Variants in CCDC88C observed in about 807,000 individuals in gnomAD.
CCDC88C encodes the protein coiled-coil and HOOK domain protein 88C.
Under a neutral mutation model 198.8 loss-of-function variants are expected in CCDC88C, and 131 were observed. The ratio of observed to expected loss-of-function variants is 0.66; its 90% CI spans 0.57 to 0.76. CCDC88C has a LOEUF of 0.76. CCDC88C is among the 30% of genes least tolerant of loss of function. The pLI, the probability that CCDC88C is intolerant of heterozygous loss-of-function variation, is 0.00. For synonymous variants in CCDC88C, 1,166 were observed against 1,114.7 expected, an observed-to-expected ratio of 1.05 and a Z score of -0.92; for missense variants, 2,553 against 2,631.6, an observed-to-expected ratio of 0.97 and a Z score of 0.65.
chr14:91,312,827 A>G (rs1238858835), intron 15 of CCDC88C, among the ~76,000 whole-genome samples: 1 of 152,288 alleles, frequency 6.6e-6, no homozygotes, highest in Admixed American at 6.5e-5. Context: ...TATGACATCA[A>G]GCATGTGTCT....
At position 91,272,696 on chromosome 14, in the gene CCDC88C, T is replaced by C; in HGVS notation, c.6016A>G (p.Lys2006Glu). The C allele has an allele frequency of 6.2e-7, 1 of 1,611,606 alleles. No individual in the cohort carries two copies. Among genetic ancestry groups the C allele is most frequent in the Non-Finnish European group, 8.5e-7 (1 of 1,179,810 alleles). The change falls in exon 30 of 30, where the codon AAG becomes GAG. Residue 2006 changes from lysine to glutamate, a missense_variant. Physicochemically the swap from Lys to Glu is moderately conservative, Grantham distance 56. Transcript: ENST00000389857. ...GGCTCCGGGGAGGCCGGACTGCTCT[T>C]TGAGACGCTCCCTCGACTGCAGTCC... ...LEDCSRGSVS[K>E]SSPASPEPGG...
Position 91,272,620 on chromosome 14 carries a change from GAC to G in CCDC88C, c.*3_*4del. 1 of 1,599,078 alleles carries G rather than the reference GAC, an allele frequency of 6.3e-7. No homozygotes were observed. The highest frequency in any genetic ancestry group is 8.5e-7 in the Non-Finnish European group (1 of 1,173,176). ...TTCAGGTTTGCGAGCTCAACCACGA[GAC>G]AGTCACACACAGCCGTACTCATACC... On this transcript the variant is annotated 3_prime_UTR_variant, in exon 30 of 30. Coordinates refer to ENST00000389857, the MANE Select transcript of CCDC88C (RefSeq NM_001080414.4).
chr14:91,285,365 A>T, intron 25 of CCDC88C: 1 of 449,494 alleles, frequency 2.2e-6, no homozygotes, highest in South Asian at 1.6e-5. Context: ...GGTGCAAGAG[A>T]CGGGAGGGGG....
Position 91,272,993 on chromosome 14 carries a change from C to A in CCDC88C, c.5719G>T (p.Ala1907Ser). 6.4e-7 allele frequency: 1 copy of A among 1,553,078 alleles called. No homozygotes were observed. Among genetic ancestry groups the A allele is most frequent in the Non-Finnish European group, 8.7e-7 (1 of 1,154,444 alleles). ...GCACCAGCACCTGCAGTGGCAATGG[C>A]GGGGGCTGTGGCAGACTGATGCAGG... ...APLHQSATAP[A>S]IATAGAGAAA... The change falls in exon 30 of 30, where the codon GCC becomes TCC. Residue 1907 changes from alanine to serine, a missense_variant. By Grantham distance (99) the Ala-to-Ser change is moderately conservative. Coordinates refer to ENST00000389857, the MANE Select transcript of CCDC88C (RefSeq NM_001080414.4).
At chr14:91,359,832 G>A (rs1342348999) in intron 3 of CCDC88C, 121 bp from the exon 4 acceptor site, 21 of 834,254 alleles carry the variant, frequency 2.5e-5, no homozygotes, top group East Asian at 1.1e-4. Flanking sequence ...TGGTGACTAC[G>A]AAGGAGCTAA....
intron 3 of CCDC88C, among the ~76,000 whole-genome samples, chr14:91,397,956 C>T (rs1013840482): frequency 6.6e-6 from 1 of 152,224 alleles, no homozygotes; most frequent in African/African-American, 2.4e-5. Flanking sequence ...TGCAGCTTTC[C>T]GGGGCTGTTT....
In CCDC88C at chr14:91,401,190, C is replaced by T. The variant is rs1246829844; in HGVS notation, c.270+7469G>A. 3.1e-5 allele frequency among the ~76,000 whole-genome samples: 4 copies of T among 129,674 alleles called. No homozygotes were observed. In the East Asian group the frequency reaches 8.5e-4, roughly 27 times the overall value. The allele number at this position is 129,674 out of a possible 152,430, so 85.1% of individuals were successfully genotyped here. The stretch of plus-strand genomic sequence containing the variant: ...CCTAGGTGTTGAGATAACAGGTGAA[C>T]TTAAGTTTCTTTCTACTTCCTAATC... On this transcript the variant is annotated intron_variant, in intron 3 of 29. Coordinates refer to ENST00000389857, the MANE Select transcript of CCDC88C (RefSeq NM_001080414.4).
At position 91,297,431 on chromosome 14, in the gene CCDC88C, C is replaced by T; in HGVS notation, c.3840G>A (p.Lys1280=). Residue 1280 remains lysine (K), a synonymous_variant, in exon 22 of 30, where the codon AAG becomes AAA. Coordinates refer to ENST00000389857, the MANE Select transcript of CCDC88C (RefSeq NM_001080414.4). ...GEYEELHAHT[K]ELKTSLNNAQ... ...CGTTGTTCAGTGAGGTTTTCAGCTC[C>T]TTGGTGTGGGCGTGCAGCTCCTCGT... 1 of 1,603,860 alleles carries T rather than the reference C, an allele frequency of 6.2e-7. No homozygotes were observed. Among genetic ancestry groups the T allele is most frequent in the Non-Finnish European group, 8.5e-7 (1 of 1,175,222 alleles).
Position 91,340,770 on chromosome 14 carries a change from A to T in CCDC88C, c.484-746T>A, listed in dbSNP as rs551553291. On this transcript the variant is annotated intron_variant, in intron 6 of 29. Coordinates refer to ENST00000389857, the MANE Select transcript of CCDC88C (RefSeq NM_001080414.4). ...CTGAAACACACCCAAAGAAGTCTTT[A>T]TTCAATCAACAGAGATAGAGAAAAC... 1.2e-3 allele frequency among the ~76,000 whole-genome samples: 177 copies of T among 152,342 alleles called. 1 individual carries two copies. Among genetic ancestry groups the T allele is most frequent in the African/African-American group, 4.2e-3 (173 of 41,582 alleles).
rs1026948882 is a variant in CCDC88C, at chr14:91,339,963, G to A, written c.545C>T (p.Pro182Leu). The change falls in exon 7 of 30, where the codon CCG becomes CTG. Residue 182 changes from proline (P) to leucine (L), a missense_variant. Physicochemically the swap from Pro to Leu is moderately conservative, Grantham distance 98. Transcript: ENST00000389857. The surrounding 1 kb of genome is among the most constrained non-coding windows in gnomAD (Gnocchi z 5.8). The part of the protein sequence containing the change: ...LQWLELPDVA[P>L]EELEALSRSM... ...CCTCGACAGGGCCTCCAGCTCCTCCGGAGCCACGTCGGGCAGCTCCAGCCA... is the reference window on the plus strand; with the variant it reads ...CCTCGACAGGGCCTCCAGCTCCTCCAGAGCCACGTCGGGCAGCTCCAGCCA... 1.2e-6 allele frequency: 2 copies of A among 1,602,590 alleles called. No homozygotes were observed. The highest frequency in any genetic ancestry group is 1.7e-6 in the Non-Finnish European group (2 of 1,175,778).
intron 3 of CCDC88C, among the ~76,000 whole-genome samples, chr14:91,393,581 TC>T (rs1367685131): frequency 6.6e-6 from 1 of 152,196 alleles, no homozygotes; most frequent in Admixed American, 6.5e-5. Context: ...CACCAACGCT[TC>T]CTTCTTCTGG....
intron 4 of CCDC88C, among the ~76,000 whole-genome samples, chr14:91,345,190 A>ATATATATATATTTTTTTTTTTT (rs1246878587): frequency 1.9e-5 from 1 of 52,204 alleles, no homozygotes; most frequent in African/African-American, 7.9e-5. Context: ...ATATATATAT[A>ATATATATATATTTTTTTTTTTT]TTTTTTTTTT....
At chr14:91,317,994 G>C (rs1892181002) in intron 13 of CCDC88C, among the ~76,000 whole-genome samples, 2 of 152,232 alleles carry the variant, frequency 1.3e-5, no homozygotes, top group African/African-American at 4.8e-5. Context: ...CAGGCTTTCT[G>C]GGGCAGCGTC....
In CCDC88C at chr14:91,339,511, A is replaced by G. The variant is rs1893215127; in HGVS notation, c.625-49T>C. The stretch of plus-strand genomic sequence containing the variant: ...TGGAGGAGAACAAACGGGGTTAACC[A>G]GCACAACGCCTGAGCTTGAACAGGG... On this transcript the variant is annotated intron_variant, in intron 7 of 29. Coordinates refer to ENST00000389857, the MANE Select transcript of CCDC88C (RefSeq NM_001080414.4). The surrounding 1 kb of genome is among the most constrained non-coding windows in gnomAD (Gnocchi z 5.8). 1.3e-6 allele frequency: 2 copies of G among 1,537,466 alleles called. No individual in the cohort carries two copies. Among genetic ancestry groups the G allele is most frequent in the Admixed American group, 1.9e-5 (1 of 53,682 alleles).
chr14:91,288,901 TATAAA>T lies in CCDC88C; in HGVS notation c.4441+199_4441+203del. ...CCATCTCAAAAAAATTAAAATAAAATATAAAATAAAGTAACAAAAGCATTATGGGA... is the reference window on the plus strand; with the variant it reads ...CCATCTCAAAAAAATTAAAATAAAATATAAAGTAACAAAAGCATTATGGGA... On this transcript the variant is annotated intron_variant, in intron 25 of 29. Coordinates refer to ENST00000389857, the MANE Select transcript of CCDC88C (RefSeq NM_001080414.4). This position sits in a 1 kb window ranked among gnomAD's most constrained non-coding sequence, Gnocchi z 4.2. 2.0e-6 allele frequency: 1 copy of T among 509,384 alleles called. No individual in the cohort carries two copies. Among genetic ancestry groups the T allele is most frequent in the South Asian group, 3.4e-5 (1 of 29,650 alleles). The allele number at this position is 509,384 out of a possible 1,614,324, so 31.6% of individuals were successfully genotyped here.
chr14:91,401,716 C>T lies in CCDC88C; in HGVS notation c.270+6943G>A, dbSNP rs79635694. Among the ~76,000 whole-genome samples the T allele has an allele frequency of 6.8e-3, 1,029 of 152,248 alleles. 12 individuals carry two copies. The highest frequency in any genetic ancestry group is 0.024 in the African/African-American group (984 of 41,540). On this transcript the variant is annotated intron_variant, in intron 3 of 29. Transcript: ENST00000389857. ...GAGCTACAAAATAAAAAATGTGGCCCTCCTCTTTAACCTTTGAAGTCAAAA... is the reference window on the plus strand; with the variant it reads ...GAGCTACAAAATAAAAAATGTGGCCTTCCTCTTTAACCTTTGAAGTCAAAA...
chr14:91,314,337 T>C (rs1187048763), intron 14 of CCDC88C, among the ~76,000 whole-genome samples, 187 bp from the exon 15 acceptor site: 3 of 152,176 alleles, frequency 2.0e-5, no homozygotes, highest in African/African-American at 7.2e-5. Flanking sequence ...ACCACTTAGA[T>C]GGTTCAAGTC....
chr14:91,325,607 T>TG lies in CCDC88C; in HGVS notation c.1197+302dup, dbSNP rs1892551663. 6.6e-6 allele frequency among the ~76,000 whole-genome samples: 1 copy of TG among 152,112 alleles called. No individual in the cohort carries two copies. Among genetic ancestry groups the TG allele is most frequent in the African/African-American group, 2.4e-5 (1 of 41,412 alleles). Reference sequence around the variant, plus strand: ...TTTCTTTTTTTCTGAGACAAGGTCTTGCTCTATCACCCAGGCTGGAATGCA... The same window carrying TG: ...TTTCTTTTTTTCTGAGACAAGGTCTTGGCTCTATCACCCAGGCTGGAATGCA... On this transcript the variant is annotated intron_variant, in intron 11 of 29. Coordinates refer to ENST00000389857, the MANE Select transcript of CCDC88C (RefSeq NM_001080414.4). The surrounding 1 kb of genome is among the most constrained non-coding windows in gnomAD (Gnocchi z 4.1).
intron 10 of CCDC88C, among the ~76,000 whole-genome samples, chr14:91,333,554 C>T (rs774207438): frequency 1.3e-5 from 2 of 152,226 alleles, no homozygotes; most frequent in African/African-American, 2.4e-5. Context: ...GCTGTGTGCA[C>T]ACACAGGACA....
Sources: gnomAD v4.1 joint callset for allele counts (sites outside exome capture counted in the v4.1 genomes callset) on GRCh38, gnomAD v4.1.1 for gene constraint, Gnocchi (gnomAD v3.1) non-coding constraint, MANE v1.5 for transcripts, NCBI Gene and HGNC (gene_info 2026-07-23, HGNC 2026-07-21) for gene names.